MAPDA: variants seen among roughly 807,000 people sequenced by gnomAD.
MAPDA encodes N6,N6-dimethyl-AMP deaminase.
the MAPDA span, among the ~76,000 whole-genome samples, chr15:43,337,034 C>T: frequency 2.0e-4 from 30 of 151,382 alleles, no homozygotes; most frequent in African/African-American, 1.5e-4. Flanking sequence ...TCTGGGAGGC[C>T]GAGGTGGGCG....
chr15:43,346,022 G>C, the MAPDA span: 3 of 1,610,528 alleles, frequency 1.9e-6, no homozygotes, highest in Non-Finnish European at 2.5e-6. Flanking sequence ...CTAAAAGGTA[G>C]AATCAGTGGG....
the MAPDA span, among the ~76,000 whole-genome samples, chr15:43,334,542 C>G: frequency 3.4e-5 from 5 of 148,498 alleles, no homozygotes; most frequent in African/African-American, 1.2e-4. Context: ...GCAGGAGAAT[C>G]ACTTGAACCC....
At chr15:43,335,271 A>C in the MAPDA span, 1 of 1,257,500 alleles carries the variant, frequency 8.0e-7, no homozygotes, top group Non-Finnish European at 1.1e-6. Context: ...GCAGTGGCTC[A>C]TGCCTGAAAT....
chr15:43,330,459 C>G, the MAPDA span: 1 of 1,527,776 alleles, frequency 6.5e-7, no homozygotes, highest in African/African-American at 1.4e-5. Context: ...TGTACCGCGC[C>G]TGCCCGACGC....
At chr15:43,350,484 C>A in the MAPDA span, among the ~76,000 whole-genome samples, 2 of 152,110 alleles carry the variant, frequency 1.3e-5, no homozygotes, top group Non-Finnish European at 2.9e-5. Flanking sequence ...GAAGCCATGG[C>A]AAAGTCTCTG....
the MAPDA span, among the ~76,000 whole-genome samples, chr15:43,332,787 A>G: frequency 6.6e-6 from 1 of 152,106 alleles, no homozygotes; most frequent in African/African-American, 2.4e-5. Context: ...GCATGAAAAA[A>G]GTTCCCTGGG....
the MAPDA span, among the ~76,000 whole-genome samples, chr15:43,348,693 G>A: frequency 6.6e-6 from 1 of 152,122 alleles, no homozygotes; most frequent in African/African-American, 2.4e-5. Context: ...TTCTTAATAA[G>A]TGTTTATTAT....
the MAPDA span, chr15:43,346,060 T>C: frequency 6.4e-7 from 1 of 1,571,446 alleles, no homozygotes; most frequent in Admixed American, 1.7e-5. Flanking sequence ...GCATCTTGCA[T>C]TGCATTCTCC....
the MAPDA span, among the ~76,000 whole-genome samples, chr15:43,344,009 A>C: frequency 6.6e-6 from 1 of 152,024 alleles, no homozygotes; most frequent in Non-Finnish European, 1.5e-5. Flanking sequence ...TCAGTAGGCT[A>C]AAAAAAGTAA....
At chr15:43,347,758 T>C in the MAPDA span, among the ~76,000 whole-genome samples, 2 of 152,226 alleles carry the variant, frequency 1.3e-5, no homozygotes, top group South Asian at 2.1e-4. Flanking sequence ...CTCACAGTTA[T>C]TGTATTAAAG....
At chr15:43,338,691 G>A in the MAPDA span, among the ~76,000 whole-genome samples, 12 of 152,344 alleles carry the variant, frequency 7.9e-5, no homozygotes, top group African/African-American at 2.9e-4. Flanking sequence ...AAAGCCCAAA[G>A]AGCTGTTCTC....
At chr15:43,349,091 C>T in the MAPDA span, 4 of 1,612,766 alleles carry the variant, frequency 2.5e-6, no homozygotes, top group Non-Finnish European at 3.4e-6. Context: ...TCTGTCTCTC[C>T]CCCAATCCCC....
chr15:43,342,446 TAAA>T, the MAPDA span, among the ~76,000 whole-genome samples: 510 of 113,610 alleles, frequency 4.5e-3, 3 homozygotes, highest in Non-Finnish European at 7.7e-3. Flanking sequence ...ATATCCCTTT[TAAA>T]AAAAAAAAAA....
chr15:43,348,329 C>A, the MAPDA span, among the ~76,000 whole-genome samples: 1 of 152,172 alleles, frequency 6.6e-6, no homozygotes. Context: ...AGCTCTATGA[C>A]CTTGGACAAC....
the MAPDA span, chr15:43,330,457 G>A: frequency 6.5e-7 from 1 of 1,529,932 alleles, no homozygotes; most frequent in Non-Finnish European, 8.7e-7. Context: ...TCTGTACCGC[G>A]CCTGCCCGAC....
chr15:43,351,657 T>C, the MAPDA span: 2 of 1,215,572 alleles, frequency 1.6e-6, no homozygotes, highest in Non-Finnish European at 2.2e-6. Flanking sequence ...GAAAGAAGCA[T>C]AGTAAATAGG....
chr15:43,333,609 G>A, the MAPDA span, among the ~76,000 whole-genome samples: 4 of 151,978 alleles, frequency 2.6e-5, no homozygotes, highest in Non-Finnish European at 5.9e-5. Context: ...GGATTTCTAT[G>A]GCTATGTTTA....
the MAPDA span, chr15:43,348,884 C>T: frequency 1.6e-5 from 26 of 1,608,754 alleles, no homozygotes; most frequent in East Asian, 2.2e-5. Context: ...GGCCATTGAT[C>T]CCCTTTCCTC....
chr15:43,351,204 T>C, the MAPDA span: 1 of 623,204 alleles, frequency 1.6e-6, no homozygotes, highest in Non-Finnish European at 2.8e-6. Flanking sequence ...CGCACACCTG[T>C]AATCCCAGCT....
Sources: gnomAD v4.1 joint callset for allele counts (sites outside exome capture counted in the v4.1 genomes callset) on GRCh38, gnomAD v4.1.1 for gene constraint, MANE v1.5 for transcripts, NCBI Gene and HGNC (gene_info 2026-07-23, HGNC 2026-07-21) for gene names.